The following CLTB variants were observed in gnomAD, a reference collection of about 807,000 sequenced individuals.
CLTB encodes clathrin light chain B.
Under a neutral mutation model 30.5 loss-of-function variants are expected in CLTB, and 10 were observed. The observed-to-expected ratio is 0.33, with a 90% CI of 0.20 to 0.56. CLTB has a LOEUF of 0.56. CLTB is among the 20% of genes least tolerant of loss of function. CLTB has a pLI of 0.91. For missense variants in CLTB, 261 were observed against 308.3 expected (o/e 0.85, Z 1.15); for synonymous variants, 102 against 120.3 (o/e 0.85, Z 1.00).
intron 2 of CLTB, among the ~76,000 whole-genome samples, chr5:176,407,292 C>T (rs1757181257): frequency 6.6e-6 from 1 of 152,168 alleles, no homozygotes; most frequent in African/African-American, 2.4e-5. Flanking sequence ...GTAAATGATC[C>T]AGCTCAGAGT....
chr5:176,411,125 T>A (rs1469484885), intron 1 of CLTB, among the ~76,000 whole-genome samples: 1 of 152,238 alleles, frequency 6.6e-6, no homozygotes, highest in African/African-American at 2.4e-5. Context: ...GAGACTTGCA[T>A]GCACCTGTGA....
Position 176,399,577 on chromosome 5 carries a change from A to G in CLTB, c.235-1530T>C, listed in dbSNP as rs553510862. Among the ~76,000 whole-genome samples, 328 of 152,068 alleles carry G rather than the reference A, an allele frequency of 2.2e-3. 2 individuals carry two copies. Among genetic ancestry groups the G allele is most frequent in the African/African-American group, 7.2e-3 (300 of 41,486 alleles). ...GGCAACACAGCAAGAGTCTGTCACT[A>G]TTTTCAAAAAAGTTTTTTTAATTAT... On this transcript the variant is annotated intron_variant, in intron 2 of 5. Transcript: ENST00000310418.
chr5:176,406,451 C>T (rs1757125421), intron 2 of CLTB: 2 of 1,180,626 alleles, frequency 1.7e-6, no homozygotes, highest in Non-Finnish European at 2.1e-6. Context: ...GGATGAGCCA[C>T]ATCCTTCTTT....
rs1581419238 is a variant in CLTB, at chr5:176,393,032, C to G, written c.519-87G>C. 1 of 1,445,168 alleles carries G rather than the reference C, an allele frequency of 6.9e-7. No homozygotes were observed. Among genetic ancestry groups the G allele is most frequent in the East Asian group, 2.3e-5 (1 of 44,080 alleles). The allele number at this position is 1,445,168 out of a possible 1,614,324, so 89.5% of individuals were successfully genotyped here. A position where few individuals can be genotyped will look rare whatever the true frequency, so the allele number is the denominator to read the frequency against. ...GCAAGGCTGCTTTGCCCAGCCTACT[C>G]TGGGGCACTGTGTCCTCCCCAGCCT... On this transcript the variant is annotated intron_variant, in intron 5 of 5. Transcript: ENST00000310418. This position sits in a 1 kb window ranked among gnomAD's most constrained non-coding sequence, Gnocchi z 4.4.
chr5:176,409,477 A>C (rs1315507033), intron 2 of CLTB, among the ~76,000 whole-genome samples: 2 of 145,084 alleles, frequency 1.4e-5, no homozygotes, highest in Admixed American at 1.4e-4. Context: ...GCAATGGCAC[A>C]ATCTCAGCTC....
intron 2 of CLTB, chr5:176,406,658 A>G: frequency 7.8e-7 from 1 of 1,289,294 alleles, no homozygotes; most frequent in East Asian, 5.6e-5. Context: ...GCTCGTCCTT[A>G]GGCTGTATTG....
In CLTB at chr5:176,392,696, C is replaced by T. The variant is rs1756310496; in HGVS notation, c.*78G>A. ...GCTGTGGGTAGCAGCTGCTGCGAGT[C>T]TCCACCCCGACCAAAGCAGCTGCTC... On this transcript the variant is annotated 3_prime_UTR_variant, in exon 6 of 6. Transcript: ENST00000310418. This position sits in a 1 kb window ranked among gnomAD's most constrained non-coding sequence, Gnocchi z 5.2. 8 of 1,530,148 alleles carry T rather than the reference C, an allele frequency of 5.2e-6. No individual in the cohort carries two copies. Among genetic ancestry groups the T allele is most frequent in the Non-Finnish European group, 7.2e-6 (8 of 1,116,760 alleles). 94.8% of individuals were successfully genotyped at this position (1,530,148 alleles called of 1,614,324 possible).
At chr5:176,394,637 AC>A (rs1029853336) in intron 5 of CLTB, among the ~76,000 whole-genome samples, 2 of 136,958 alleles carry the variant, frequency 1.5e-5, no homozygotes, top group African/African-American at 5.2e-5. Context: ...ACACGGTGAA[AC>A]CCCGTCTCTA....
chr5:176,409,406 CTTTTTTTTTTTTTT>C (rs34831947), intron 2 of CLTB, among the ~76,000 whole-genome samples: 3 of 79,656 alleles, frequency 3.8e-5, no homozygotes, highest in Non-Finnish European at 6.7e-5. Context: ...TCTGATTGCC[CTTTTTTTTTTTTTT>C]TTTTTTTTTT....
intron 4 of CLTB, 127 bp downstream of exon 4, chr5:176,397,480 C>T: frequency 1.5e-6 from 1 of 656,708 alleles, no homozygotes; most frequent in Non-Finnish European, 2.6e-6. Flanking sequence ...CCTCATGTCC[C>T]CACAGCTCCC....
chr5:176,414,679 G>C (rs1024954590), intron 1 of CLTB, among the ~76,000 whole-genome samples: 1 of 152,162 alleles, frequency 6.6e-6, no homozygotes, highest in Non-Finnish European at 1.5e-5. Flanking sequence ...AAAGAGCATG[G>C]AGCCCAGAGT....
At chr5:176,406,376 C>T in intron 2 of CLTB, 1 of 1,131,718 alleles carries the variant, frequency 8.8e-7, no homozygotes, top group Non-Finnish European at 1.1e-6. Context: ...GCTGGGCCCA[C>T]CCATGAGAAC....
chr5:176,416,420 C>T lies in CLTB; in HGVS notation c.-57G>A. The T allele has an allele frequency of 7.2e-7, 1 of 1,385,098 alleles. No homozygotes were observed. The highest frequency in any genetic ancestry group is 9.4e-7 in the Non-Finnish European group (1 of 1,065,882). 85.8% of individuals were successfully genotyped at this position (1,385,098 alleles called of 1,614,324 possible). Reference sequence around the variant, plus strand: ...CGCTCGGCTCTGCCCGCGCCTGCCCCGCGCTGCGTCCGGCGGCCGCGACGC... The same window carrying T: ...CGCTCGGCTCTGCCCGCGCCTGCCCTGCGCTGCGTCCGGCGGCCGCGACGC... On this transcript the variant is annotated 5_prime_UTR_variant, in exon 1 of 6. Coordinates refer to ENST00000310418, the MANE Select transcript of CLTB (RefSeq NM_007097.5).
At position 176,408,076 on chromosome 5, in the gene CLTB, T is replaced by TG. The variant is rs1223401078; in HGVS notation, c.234+2180dup. ...GGTTTAGCCCCACCAGGCATCTGGC[T>TG]GGGGGGCCGAGGTGAGGACTATTGC... On this transcript the variant is annotated intron_variant, in intron 2 of 5. Coordinates refer to ENST00000310418, the MANE Select transcript of CLTB (RefSeq NM_007097.5). Among the ~76,000 whole-genome samples the TG allele has an allele frequency of 2.0e-5, 3 of 152,026 alleles. No homozygotes were observed. In the South Asian group the frequency reaches 6.2e-4, roughly 32 times the overall value.
intron 1 of CLTB, among the ~76,000 whole-genome samples, chr5:176,412,496 T>TA (rs1432179591): frequency 6.6e-6 from 1 of 152,214 alleles, no homozygotes; most frequent in Non-Finnish European, 1.5e-5. Flanking sequence ...GGCCTGCTGT[T>TA]ATCTGCAAGG....
At position 176,396,525 on chromosome 5, in the gene CLTB, C is replaced by T. The variant is rs1271415011; in HGVS notation, c.472G>A (p.Asp158Asn). 2 of 1,613,420 alleles carry T rather than the reference C, an allele frequency of 1.2e-6. No individual in the cohort carries two copies. Among genetic ancestry groups the T allele is most frequent in the Non-Finnish European group, 1.7e-6 (2 of 1,179,802 alleles). Residue 158 changes from aspartate (D) to asparagine (N), a missense_variant, in exon 5 of 6, where the codon GAC becomes AAC. Transcript: ENST00000310418. ...EKNKINNRIA[D>N]KAFYQQPDAD... ...TCTGGCTGCTGGTAGAATGCTTTGT[C>T]AGCGATCCTTGAGGGAAAGGTTGAG...
chr5:176,404,644 T>C (rs7703742), intron 2 of CLTB, among the ~76,000 whole-genome samples: 77,189 of 152,060 alleles, frequency 0.51, 20,511 homozygotes, highest in African/African-American at 0.66. Context: ...CTGGCCAAAC[T>C]GGGCCCACAT....
rs187110983 is a variant in CLTB, at chr5:176,407,367, C to T, written c.234+2890G>A. 1.2e-3 allele frequency among the ~76,000 whole-genome samples: 187 copies of T among 152,278 alleles called. 1 individual carries two copies. The South Asian group carries it at 0.015, about 12-fold the overall frequency. On this transcript the variant is annotated intron_variant, in intron 2 of 5. Transcript: ENST00000310418. ...GTCGTCCAGGCTGGAGTGCAGTGTG[C>T]GATCTCAGCTCACTGCAACCTCTGC...
At chr5:176,409,685 A>C (rs1427299594) in intron 2 of CLTB, among the ~76,000 whole-genome samples, 1 of 152,078 alleles carries the variant, frequency 6.6e-6, no homozygotes, top group Non-Finnish European at 1.5e-5. Context: ...AAGTGCTGGG[A>C]TTACAGGCGT....
Sources: gnomAD v4.1 joint callset for allele counts (sites outside exome capture counted in the v4.1 genomes callset) on GRCh38, gnomAD v4.1.1 for gene constraint, Gnocchi (gnomAD v3.1) non-coding constraint, MANE v1.5 for transcripts, NCBI Gene and HGNC (gene_info 2026-07-23, HGNC 2026-07-21) for gene names.